Variants in TAOK2 observed in about 807,000 individuals in gnomAD.
TAOK2 encodes serine/threonine-protein kinase TAO2.
A neutral mutation model predicts 122.5 loss-of-function variants in TAOK2; 42 were observed. The observed-to-expected ratio is 0.34, with a 90% CI of 0.27 to 0.44. The LOEUF is 0.44. Among genes scored for constraint, TAOK2 ranks in the 20% least tolerant of loss-of-function variants. The pLI is 1.00. For missense variants in TAOK2, 1,264 were observed against 1,644.9 expected (o/e 0.77, Z 4.01); for synonymous variants, 704 against 677.6 (o/e 1.04, Z -0.61).
downstream of TAOK2, chr16:29,988,956 C>G (rs1224146594): frequency 1.0e-6 from 1 of 985,280 alleles, no homozygotes; most frequent in Non-Finnish European, 1.2e-6. Context: ...CAGGCCCTTT[C>G]TGGCCACCTC....
chr16:29,988,776 G>A (rs2069895080), downstream of TAOK2: 2 of 985,298 alleles, frequency 2.0e-6, no homozygotes, highest in Admixed American at 6.1e-5. Context: ...TGGGGGACGG[G>A]GCTGCAGACC....
At chr16:29,977,967 C>T in intron 2 of TAOK2, 63 bp downstream of exon 2, 1 of 1,612,662 alleles carries the variant, frequency 6.2e-7, no homozygotes, top group Non-Finnish European at 8.5e-7. Flanking sequence ...GTGGACTTCC[C>T]AACAGCCCTT....
Position 29,983,633 on chromosome 16 carries a change from A to C in TAOK2, c.1391A>C (p.Asp464Ala). 1 of 1,613,062 alleles carries C rather than the reference A, an allele frequency of 6.2e-7. No individual in the cohort carries two copies. The highest frequency in any genetic ancestry group is 8.5e-7 in the Non-Finnish European group (1 of 1,179,900). Residue 464 changes from aspartate to alanine, a missense_variant, in exon 13 of 16, where the codon GAC (aspartate) becomes GCC (alanine). By Grantham distance (126) the Asp-to-Ala change is moderately radical. Coordinates refer to ENST00000308893, the MANE Select transcript of TAOK2 (RefSeq NM_016151.4). ...ARRRAYCRNR[D>A]HFATIRTASL... ...CGCCGGGCCTACTGCCGTAACCGAG[A>C]CCACTTTGCCACCATCCGAACCGCC...
chr16:29,980,597 C>T (rs573655255), intron 8 of TAOK2: 1 of 152,328 alleles, frequency 6.6e-6, no homozygotes, highest in East Asian at 1.9e-4. Context: ...GTATTGGGTC[C>T]TCTGCCCGAG....
Position 29,978,320 on chromosome 16 carries a change from C to G in TAOK2, c.273C>G (p.Tyr91Ter). The G allele has an allele frequency of 6.2e-7, 1 of 1,614,112 alleles. No individual in the cohort carries two copies. Among genetic ancestry groups the G allele is most frequent in the Non-Finnish European group, 8.5e-7 (1 of 1,180,028 alleles). The change falls in exon 4 of 16, where the codon TAC (tyrosine) becomes TAG (stop). Residue 91 changes from tyrosine to a stop codon, truncating the protein, a stop_gained. Coordinates refer to ENST00000308893, the MANE Select transcript of TAOK2 (RefSeq NM_016151.4). LOFTEE classifies it high-confidence loss of function. ...TCCGGCATCCCAACACCATTCAGTA[C>G]CGGGGCTGTTACCTGAGGGAGCACA... ...QKLRHPNTIQYRGCYLREHTA... is the reference protein window; with the variant it reads ...QKLRHPNTIQ
downstream of TAOK2, chr16:29,991,110 C>T (rs74017652): frequency 3.7e-5 from 59 of 1,599,338 alleles, no homozygotes; most frequent in Admixed American, 3.6e-4. This position sits in a 1 kb window ranked among gnomAD's most constrained non-coding sequence, Gnocchi z 5.6. Flanking sequence ...TCTGCTTGAG[C>T]GGCAGGCCCG....
chr16:29,986,538 C>T lies in TAOK2; in HGVS notation c.2266C>T (p.Leu756Phe). The change falls in exon 16 of 16, where the codon CTC (leucine) becomes TTC (phenylalanine). Residue 756 changes from leucine (L) to phenylalanine (F), a missense_variant. Leu to Phe is a conservative substitution (Grantham distance 22). Coordinates refer to ENST00000308893, the MANE Select transcript of TAOK2 (RefSeq NM_016151.4). This position sits in a 1 kb window ranked among gnomAD's most constrained non-coding sequence, Gnocchi z 4.2. ...RAGQRPPGLPLPIPGALGPPN... is the reference protein window; with the variant it reads ...RAGQRPPGLPFPIPGALGPPN... ...AGGCCAGCGCCCCCCGGGCCTTCCA[C>T]TCCCCATTCCTGGGGCTCTGGGCCC... 1 of 1,613,468 alleles carries T rather than the reference C, an allele frequency of 6.2e-7. No individual in the cohort carries two copies.
At position 29,987,842 on chromosome 16, in the gene TAOK2, G is replaced by A; in HGVS notation, c.3570G>A (p.Arg1190=). Reference sequence around the variant, plus strand: ...GCTGGGGCCTGCTTCGGGGTGAACGGCCCACCCGAATCCCCCGGCTACTAC... The same window carrying A: ...GCTGGGGCCTGCTTCGGGGTGAACGACCCACCCGAATCCCCCGGCTACTAC... ...LASWGLLRGE[R]PTRIPRLLPR... Residue 1190 remains arginine (R), a synonymous_variant, in exon 16 of 16, where the codon CGG becomes CGA. Coordinates refer to ENST00000308893, the MANE Select transcript of TAOK2 (RefSeq NM_016151.4). 1 of 1,611,684 alleles carries A rather than the reference G, an allele frequency of 6.2e-7. No individual in the cohort carries two copies. The highest frequency in any genetic ancestry group is 1.1e-5 in the South Asian group (1 of 91,016).
At position 29,985,104 on chromosome 16, in the gene TAOK2, A is replaced by C; in HGVS notation, c.1423-109A>C. On this transcript the variant is annotated intron_variant, in intron 13 of 15. Coordinates refer to ENST00000308893, the MANE Select transcript of TAOK2 (RefSeq NM_016151.4). This position sits in a 1 kb window ranked among gnomAD's most constrained non-coding sequence, Gnocchi z 6.9. The stretch of plus-strand genomic sequence containing the variant: ...GTGTGTGAGGAAGGTGTTAAATGAG[A>C]ATGAAACCCATGAGTTGAAAACCCA... The C allele has an allele frequency of 7.4e-7, 1 of 1,356,414 alleles. No individual in the cohort carries two copies. The highest frequency in any genetic ancestry group is 2.5e-5 in the East Asian group (1 of 39,770). The allele number at this position is 1,356,414 out of a possible 1,614,324, so 84.0% of individuals were successfully genotyped here.
intron 13 of TAOK2, 85 bp downstream of exon 13, chr16:29,983,749 A>T (rs2069696551): frequency 5.9e-6 from 9 of 1,529,422 alleles, no homozygotes; most frequent in African/African-American, 1.4e-5. Flanking sequence ...TCCCTGTGGC[A>T]TGGGATTGAG....
At chr16:29,981,382 G>GTATTTCTTA in intron 8 of TAOK2, 1 of 591,260 alleles carries the variant, frequency 1.7e-6, no homozygotes, top group Non-Finnish European at 3.0e-6. Flanking sequence ...ATATTAGTTG[G>GTATTTCTTA]GGTGATAACT....
rs759341875 is a variant in TAOK2 at position 29,986,375 on chromosome 16, G to C, written c.2103G>C (p.Thr701=). The change falls in exon 16 of 16, where the codon ACG becomes ACC. Residue 701 remains threonine (T), a synonymous_variant. Coordinates refer to ENST00000308893, the MANE Select transcript of TAOK2 (RefSeq NM_016151.4). The surrounding 1 kb of genome is among the most constrained non-coding windows in gnomAD (Gnocchi z 4.2). ...GGCAGCTCCAGGCCGTGCAGCGCAC[G>C]CGGGCTGAGCTCACCCGCCTGCAGC... The part of the protein sequence containing the change: ...ELRQLQAVQR[T]RAELTRLQHQ... 1 of 1,607,444 alleles carries C rather than the reference G, an allele frequency of 6.2e-7. No homozygotes were observed. Among genetic ancestry groups the C allele is most frequent in the East Asian group, 2.2e-5 (1 of 44,774 alleles).
In TAOK2 at chr16:29,979,500, T is replaced by G; in HGVS notation, c.647T>G (p.Ile216Ser). 6.5e-7 allele frequency: 1 copy of G among 1,538,546 alleles called. No homozygotes were observed. The highest frequency in any genetic ancestry group is 8.8e-7 in the Non-Finnish European group (1 of 1,142,472). Residue 216 changes from isoleucine to serine, a missense_variant, in exon 8 of 16, where the codon ATC becomes AGC. This residue lies in a region of TAOK2 where 254 missense variants were observed against 503.8 expected (regional missense o/e 0.50). Coordinates refer to ENST00000308893, the MANE Select transcript of TAOK2 (RefSeq NM_016151.4). The surrounding 1 kb of genome is among the most constrained non-coding windows in gnomAD (Gnocchi z 4.1). ...VDVWSLGITC[I>S]ELAERKPPLF... Reference sequence around the variant, plus strand: ...GTCTGGTCCTTGGGGATAACCTGCATCGAGCTGGGTAAGAACATCCTCCCT... The same window carrying G: ...GTCTGGTCCTTGGGGATAACCTGCAGCGAGCTGGGTAAGAACATCCTCCCT...
chr16:29,978,383 T>C (rs775615095), intron 4 of TAOK2, 30 bp downstream of exon 4: 32 of 1,602,628 alleles, frequency 2.0e-5, no homozygotes, highest in Non-Finnish European at 2.6e-5. Context: ...TGGCCTGATC[T>C]TTACTCCTAT....
chr16:29,990,597 TG>T, downstream of TAOK2: 2 of 502,574 alleles, frequency 4.0e-6, no homozygotes. Flanking sequence ...CGAGCACATG[TG>T]CAAGTATACC....
chr16:29,986,324 C>G lies in TAOK2; in HGVS notation c.2052C>G (p.His684Gln). The change falls in exon 16 of 16, where the codon CAC becomes CAG. Residue 684 changes from histidine to glutamine, a missense_variant. By Grantham distance (24) the His-to-Gln change is conservative. Around this residue, in one of 4 missense-constraint regions of TAOK2, gnomAD observed 824 missense variants for 908.7 expected, o/e 0.91. Coordinates refer to ENST00000308893, the MANE Select transcript of TAOK2 (RefSeq NM_016151.4). This position sits in a 1 kb window ranked among gnomAD's most constrained non-coding sequence, Gnocchi z 4.2. ...DLECALLLRQHEATRELELRQ... is the reference protein window; with the variant it reads ...DLECALLLRQQEATRELELRQ... ...AGTGTGCACTGCTGCTTCGGCAGCA[C>G]GAGGCCACGCGGGAGCTGGAGCTGC... is the stretch of plus-strand genomic sequence containing the variant. 6.4e-7 allele frequency: 1 copy of G among 1,566,962 alleles called. No individual in the cohort carries two copies.
chr16:29,986,416 G>A lies in TAOK2; in HGVS notation c.2144G>A (p.Gly715Asp). The A allele has an allele frequency of 6.2e-7, 1 of 1,611,492 alleles. No homozygotes were observed. Among genetic ancestry groups the A allele is most frequent in the Non-Finnish European group, 8.5e-7 (1 of 1,178,576 alleles). Residue 715 changes from glycine to aspartate, a missense_variant, in exon 16 of 16, where the codon GGC (glycine) becomes GAC (aspartate). Gly to Asp is a moderately conservative substitution (Grantham distance 94). Coordinates refer to ENST00000308893, the MANE Select transcript of TAOK2 (RefSeq NM_016151.4). The surrounding 1 kb of genome is among the most constrained non-coding windows in gnomAD (Gnocchi z 4.2). ...LTRLQHQTEL[G>D]NQLEYNKRRE... is the part of the protein sequence containing the mutation. ...CGCCTGCAGCACCAGACGGAGCTGG[G>A]CAACCAGCTGGAGTACAACAAGCGG... is the stretch of plus-strand genomic sequence containing the variant.
intron 13 of TAOK2, 45 bp downstream of exon 13, chr16:29,983,709 T>C: frequency 1.3e-6 from 2 of 1,565,426 alleles, no homozygotes; most frequent in Non-Finnish European, 1.7e-6. Context: ...GTCTGTTTTT[T>C]AAGTCTTTTT....
rs753050453 is a variant in TAOK2 at position 29,985,251 on chromosome 16, G to A, written c.1461G>A (p.Ala487=). Residue 487 remains alanine, a synonymous_variant, in exon 14 of 16, where the codon GCG becomes GCA. Coordinates refer to ENST00000308893, the MANE Select transcript of TAOK2 (RefSeq NM_016151.4). This position sits in a 1 kb window ranked among gnomAD's most constrained non-coding sequence, Gnocchi z 6.9. Reference sequence around the variant, plus strand: ...TCCAGGAGCATGAGCAGGACTCTGCGCTGCGGGAGCAGCTGAGCGGCTATA... The same window carrying A: ...TCCAGGAGCATGAGCAGGACTCTGCACTGCGGGAGCAGCTGAGCGGCTATA... ...RQIQEHEQDS[A]LREQLSGYKR... 6.8e-5 allele frequency: 105 copies of A among 1,548,428 alleles called. No individual in the cohort carries two copies. Among genetic ancestry groups the A allele is most frequent in the Non-Finnish European group, 8.6e-5 (99 of 1,145,768 alleles).
Sources: allele counts gnomAD v4.1 joint callset, GRCh38; gene constraint gnomAD v4.1.1; regional missense constraint gnomAD v4.1.1; non-coding constraint Gnocchi (gnomAD v3.1); transcripts MANE v1.5; gene names NCBI Gene and HGNC (gene_info 2026-07-23, HGNC 2026-07-21).